EXOC4: variants seen among roughly 807,000 people sequenced by gnomAD.
EXOC4 encodes exocyst complex component 4.
EXOC4 carries 71 observed loss-of-function variants against 107.2 expected under a neutral mutation model. The observed-to-expected ratio is 0.66, with a 90% CI of 0.55 to 0.81. The LOEUF is 0.81. Ranked by LOEUF, EXOC4 falls within the 30% of genes least tolerant of loss-of-function variation. The pLI, the probability that EXOC4 is intolerant of heterozygous loss-of-function variation, is 0.00. For synonymous variants in EXOC4, 456 were observed against 441.2 expected, an observed-to-expected ratio of 1.03 and a Z score of -0.42; for missense variants, 1,108 against 1,189.6, an observed-to-expected ratio of 0.93 and a Z score of 1.01.
intron 4 of EXOC4, among the ~76,000 whole-genome samples, chr7:133,307,197 A>G (rs918811400): frequency 1.3e-5 from 2 of 152,200 alleles, no homozygotes; most frequent in African/African-American, 4.8e-5. Flanking sequence ...CTTCAGTTTA[A>G]TCAGAGATCC....
intron 10 of EXOC4, among the ~76,000 whole-genome samples, chr7:133,676,752 G>T (rs1466720970): frequency 8.6e-5 from 13 of 151,928 alleles, no homozygotes; most frequent in Admixed American, 8.5e-4. Context: ...ATCTAACTGT[G>T]TATACCCTTG....
intron 14 of EXOC4, among the ~76,000 whole-genome samples, chr7:133,994,347 T>C (rs1411074518): frequency 1.3e-5 from 2 of 152,058 alleles, no homozygotes; most frequent in Non-Finnish European, 2.9e-5. Flanking sequence ...ACCATGCCTA[T>C]CGGGGGGAGG....
At chr7:133,805,590 T>A (rs551500088) in intron 10 of EXOC4, among the ~76,000 whole-genome samples, 39 of 152,240 alleles carry the variant, frequency 2.6e-4, no homozygotes, top group African/African-American at 7.9e-4. Flanking sequence ...TAAAAGGGCA[T>A]TCACCATACA....
chr7:133,279,676 G>A (rs957803940), intron 2 of EXOC4, among the ~76,000 whole-genome samples: 2 of 152,022 alleles, frequency 1.3e-5, no homozygotes, highest in African/African-American at 4.8e-5. Flanking sequence ...ATTCCACCAT[G>A]CCTGGCTAAT....
At chr7:133,880,785 C>T (rs559899134) in intron 11 of EXOC4, among the ~76,000 whole-genome samples, 2 of 152,166 alleles carry the variant, frequency 1.3e-5, no homozygotes, top group East Asian at 1.9e-4. Context: ...TTTTATTCAA[C>T]GATAATTTAT....
chr7:133,820,320 T>C (rs941852803), intron 11 of EXOC4, among the ~76,000 whole-genome samples: 2 of 152,134 alleles, frequency 1.3e-5, no homozygotes, highest in African/African-American at 4.8e-5. Flanking sequence ...ATGGTTATTT[T>C]TTTTTCCTAT....
At chr7:133,999,454 G>A (rs934114173) in intron 15 of EXOC4, among the ~76,000 whole-genome samples, 3 of 152,114 alleles carry the variant, frequency 2.0e-5, no homozygotes, top group Non-Finnish European at 4.4e-5. Flanking sequence ...GTGTTACGTG[G>A]CATTATTCCT....
At chr7:133,566,191 G>A (rs1451332216) in intron 9 of EXOC4, among the ~76,000 whole-genome samples, 1 of 152,110 alleles carries the variant, frequency 6.6e-6, no homozygotes, top group African/African-American at 2.4e-5. Context: ...TTTAATGCCA[G>A]GAATTATTTT....
chr7:133,514,838 A>T (rs1799842541), intron 9 of EXOC4, among the ~76,000 whole-genome samples: 1 of 152,158 alleles, frequency 6.6e-6, no homozygotes, highest in African/African-American at 2.4e-5. Context: ...GGAGAATGTG[A>T]ATTATTTTTG....
At chr7:133,931,951 A>T (rs569090748) in intron 13 of EXOC4, among the ~76,000 whole-genome samples, 2 of 152,206 alleles carry the variant, frequency 1.3e-5, no homozygotes, top group Non-Finnish European at 2.9e-5. Context: ...TAAATTATGC[A>T]TAATAGTTTT....
At chr7:133,307,684 G>A (rs2204885) in intron 4 of EXOC4, among the ~76,000 whole-genome samples, 1 of 151,932 alleles carries the variant, frequency 6.6e-6, no homozygotes, top group Non-Finnish European at 1.5e-5. Context: ...TATTTCCTAC[G>A]CTTTTTGTTG....
At chr7:133,505,278 A>G (rs1238844210) in intron 9 of EXOC4, among the ~76,000 whole-genome samples, 1 of 152,158 alleles carries the variant, frequency 6.6e-6, no homozygotes, top group Non-Finnish European at 1.5e-5. Context: ...CCCAGGAACC[A>G]CAGTCCGATT....
At chr7:133,480,274 T>C in intron 9 of EXOC4, 136 bp downstream of exon 9, 9 of 1,486,260 alleles carry the variant, frequency 6.1e-6, no homozygotes, top group Non-Finnish European at 8.1e-6. Flanking sequence ...TTGTTTCTTC[T>C]GTAATTTCCC....
Position 133,932,911 on chromosome 7 carries a change from G to GGA in EXOC4, c.2028-4958_2028-4957dup, listed in dbSNP as rs10561566. Among the ~76,000 whole-genome samples, 406 of 149,364 alleles carry GGA rather than the reference G, an allele frequency of 2.7e-3. 5 individuals are homozygous for GGA. Among genetic ancestry groups the GGA allele is most frequent in the African/African-American group, 8.3e-3 (336 of 40,502 alleles). On this transcript the variant is annotated intron_variant, in intron 13 of 17. Coordinates refer to ENST00000253861, the MANE Select transcript of EXOC4 (RefSeq NM_021807.4). ...ATGAAAGATTTGGGGAATAGGACCA[G>GGA]GAGAGAGAGAGAGAGAGAGAGAGGG...
At chr7:133,887,185 C>T (rs1371037208) in intron 11 of EXOC4, among the ~76,000 whole-genome samples, 3 of 152,192 alleles carry the variant, frequency 2.0e-5, no homozygotes, top group African/African-American at 7.2e-5. Flanking sequence ...GCTATCAGCA[C>T]AATTCTCGTC....
At chr7:133,354,662 C>G (rs1323131476) in intron 5 of EXOC4, among the ~76,000 whole-genome samples, 1 of 152,088 alleles carries the variant, frequency 6.6e-6, no homozygotes, top group Admixed American at 6.6e-5. Context: ...TTAGAGGAAG[C>G]AATCAGCGAT....
chr7:133,581,179 A>G (rs559132471), intron 9 of EXOC4, among the ~76,000 whole-genome samples: 1 of 152,310 alleles, frequency 6.6e-6, no homozygotes, highest in South Asian at 2.1e-4. Flanking sequence ...ACACTGGCTC[A>G]GAATTATGGA....
chr7:133,478,670 T>G (rs1584948499), intron 8 of EXOC4, among the ~76,000 whole-genome samples: 1 of 152,368 alleles, frequency 6.6e-6, no homozygotes, highest in East Asian at 1.9e-4. Flanking sequence ...GAGGACTTTA[T>G]TACCCTCTTT....
chr7:133,456,053 A>G (rs533336779), intron 7 of EXOC4, among the ~76,000 whole-genome samples: 4 of 152,350 alleles, frequency 2.6e-5, no homozygotes, highest in East Asian at 1.9e-4. Flanking sequence ...TCTGTAATCA[A>G]TATACGTGTA....
Sources: gnomAD v4.1 joint callset for allele counts (sites outside exome capture counted in the v4.1 genomes callset) on GRCh38, gnomAD v4.1.1 for gene constraint, MANE v1.5 for transcripts, NCBI Gene and HGNC (gene_info 2026-07-23, HGNC 2026-07-21) for gene names.